Variants in CTNNA3 observed in about 807,000 individuals in gnomAD.
CTNNA3 encodes the protein catenin alpha-3.
Under a neutral mutation model 95.7 loss-of-function variants are expected in CTNNA3, and 76 were observed. The ratio of observed to expected loss-of-function variants is 0.79; its 90% CI spans 0.66 to 0.96. CTNNA3 has a LOEUF of 0.96. CTNNA3 is among the 40% of genes least tolerant of loss of function. The probability of loss-of-function intolerance (pLI) is 0.00; values close to 1 mark genes in which losing one functional copy is unlikely to be tolerated. For missense variants in CTNNA3, 1,191 were observed against 1,089.8 expected (o/e 1.09, Z -1.31); for synonymous variants, 431 against 374.4 (o/e 1.15, Z -1.74).
chr10:66,247,898 CT>C (rs2090401813), intron 13 of CTNNA3, among the ~76,000 whole-genome samples: 1 of 152,112 alleles, frequency 6.6e-6, no homozygotes, highest in Admixed American at 6.5e-5. Flanking sequence ...AAGAAATCAT[CT>C]TAAGATACAA....
At chr10:67,287,454 T>G (rs150185182) in intron 5 of CTNNA3, among the ~76,000 whole-genome samples, 134 of 152,358 alleles carry the variant, frequency 8.8e-4, no homozygotes, top group African/African-American at 3.2e-3. Flanking sequence ...CTAAATATCT[T>G]TGCATATAGT....
chr10:66,255,649 CAG>C (rs1471848006), intron 13 of CTNNA3, among the ~76,000 whole-genome samples: 2 of 152,190 alleles, frequency 1.3e-5, no homozygotes, highest in Non-Finnish European at 2.9e-5. Context: ...TCCCCATAAA[CAG>C]ATACTTTATC....
chr10:66,779,176 T>C (rs181091264), intron 7 of CTNNA3, among the ~76,000 whole-genome samples: 69 of 152,252 alleles, frequency 4.5e-4, no homozygotes, highest in African/African-American at 1.5e-3. Context: ...CAAAGCCTCA[T>C]ATAATCTACT....
At chr10:66,806,261 T>TTGTGTGTGTG (rs59596203) in intron 7 of CTNNA3, among the ~76,000 whole-genome samples, 200 of 144,068 alleles carry the variant, frequency 1.4e-3, no homozygotes, top group Middle Eastern at 7.0e-3. Context: ...ATATTGGTGT[T>TTGTGTGTGTG]TGTGTGTGTG....
At chr10:66,812,384 A>G (rs949794654) in intron 7 of CTNNA3, among the ~76,000 whole-genome samples, 1 of 152,174 alleles carries the variant, frequency 6.6e-6, no homozygotes, top group Admixed American at 6.6e-5. Flanking sequence ...ATACAATTAC[A>G]TGGTATTCTG....
chr10:66,789,597 C>T (rs182018745), intron 7 of CTNNA3, among the ~76,000 whole-genome samples: 1 of 152,270 alleles, frequency 6.6e-6, no homozygotes, highest in African/African-American at 2.4e-5. Context: ...TACACATATA[C>T]TCCATTTGAC....
intron 17 of CTNNA3, among the ~76,000 whole-genome samples, chr10:65,941,501 G>A (rs1453905034): frequency 1.3e-5 from 2 of 152,278 alleles, no homozygotes; most frequent in East Asian, 3.9e-4. Context: ...TTCCCATGCA[G>A]AAAATAAAGC....
intron 12 of CTNNA3, among the ~76,000 whole-genome samples, chr10:66,328,306 C>G (rs2092280932): frequency 6.6e-6 from 1 of 151,944 alleles, no homozygotes. Context: ...AGTTATAAAC[C>G]TAGTAAGTAG....
chr10:67,138,269 A>G (rs1860390381), intron 7 of CTNNA3, among the ~76,000 whole-genome samples: 1 of 152,192 alleles, frequency 6.6e-6, no homozygotes, highest in Non-Finnish European at 1.5e-5. Context: ...TAAACAAAGA[A>G]GCCAGCAGTG....
At chr10:66,619,769 T>C (rs1844678128) in intron 10 of CTNNA3, among the ~76,000 whole-genome samples, 1 of 151,794 alleles carries the variant, frequency 6.6e-6, no homozygotes, top group South Asian at 2.1e-4. Flanking sequence ...CATATGGCCA[T>C]ATGTGAAAAA....
Position 67,173,753 on chromosome 10 carries a change from A to T in CTNNA3, c.1047+6564T>A, listed in dbSNP as rs530673832. 1.1e-4 allele frequency among the ~76,000 whole-genome samples: 17 copies of T among 152,344 alleles called. No homozygotes were observed. In the South Asian group the frequency reaches 3.5e-3, roughly 32 times the overall value. Reference sequence around the variant, plus strand: ...TTGACCTAGTTTTATTTTATGTAACAAACAACTCTGAGTAAAGTTTAATGT... The same window carrying T: ...TTGACCTAGTTTTATTTTATGTAACTAACAACTCTGAGTAAAGTTTAATGT... On this transcript the variant is annotated intron_variant, in intron 7 of 17. Coordinates refer to ENST00000433211, the MANE Select transcript of CTNNA3 (RefSeq NM_013266.4).
intron 9 of CTNNA3, among the ~76,000 whole-genome samples, chr10:66,758,648 C>G (rs1839473294): frequency 6.6e-6 from 1 of 152,110 alleles, no homozygotes; most frequent in Non-Finnish European, 1.5e-5. Context: ...TATATCAAAA[C>G]TTTGGGCCGG....
At chr10:66,105,146 C>T (rs975891091) in intron 13 of CTNNA3, among the ~76,000 whole-genome samples, 1 of 152,162 alleles carries the variant, frequency 6.6e-6, no homozygotes, top group Non-Finnish European at 1.5e-5. Context: ...TTTTTTATCT[C>T]CGTGTTGATC....
Position 66,927,033 on chromosome 10 carries a change from G to C in CTNNA3, c.1048-151509C>G, listed in dbSNP as rs1847122882. 6.2e-7 allele frequency: 1 copy of C among 1,614,138 alleles called. No homozygotes were observed. The highest frequency in any genetic ancestry group is 1.3e-5 in the African/African-American group (1 of 75,034). On this transcript the variant is annotated intron_variant, in intron 7 of 17. Transcript: ENST00000433211. The surrounding 1 kb of genome is among the most constrained non-coding windows in gnomAD (Gnocchi z 4.7). The stretch of plus-strand genomic sequence containing the variant: ...AACGAGGATGCCCTAAGGGCTGTAG[G>C]TGTGAAGGCAAAATGGTATATTGTG...
chr10:67,095,159 G>A (rs1857906402), intron 7 of CTNNA3, among the ~76,000 whole-genome samples: 1 of 151,430 alleles, frequency 6.6e-6, no homozygotes, highest in African/African-American at 2.4e-5. Flanking sequence ...AATCTACTGT[G>A]ATGCTGTATT....
intron 5 of CTNNA3, among the ~76,000 whole-genome samples, chr10:67,426,116 T>A (rs947037837): frequency 1.3e-5 from 2 of 151,840 alleles, no homozygotes; most frequent in African/African-American, 4.8e-5. Context: ...CCCAAATGGG[T>A]AGAAAAAACA....
At position 67,301,477 on chromosome 10, in the gene CTNNA3, T is replaced by C. The variant is rs146731191; in HGVS notation, c.580-81607A>G. On this transcript the variant is annotated intron_variant, in intron 5 of 17. Transcript: ENST00000433211. ...AAAAACTAAAAATAGAGCTATCATATCATCCAGCAATCCCACTACTGGGTA... is the reference window on the plus strand; with the variant it reads ...AAAAACTAAAAATAGAGCTATCATACCATCCAGCAATCCCACTACTGGGTA... Among the ~76,000 whole-genome samples the C allele has an allele frequency of 1.8e-4, 28 of 152,282 alleles. 1 individual carries two copies. The highest frequency in any genetic ancestry group is 6.7e-4 in the African/African-American group (28 of 41,550).
intron 12 of CTNNA3, among the ~76,000 whole-genome samples, chr10:66,363,621 A>T (rs923711574): frequency 6.6e-6 from 1 of 152,226 alleles, no homozygotes; most frequent in East Asian, 1.9e-4. Context: ...CCAGATTACA[A>T]TAAAAAAAAT....
chr10:67,656,218 T>G (rs1214207323), intron 1 of CTNNA3, among the ~76,000 whole-genome samples: 1 of 152,188 alleles, frequency 6.6e-6, no homozygotes, highest in Non-Finnish European at 1.5e-5. Context: ...CTGAGGTTTG[T>G]CAGATCAATA....
Sources: allele counts gnomAD v4.1 joint callset (sites outside exome capture counted in the v4.1 genomes callset), GRCh38; gene constraint gnomAD v4.1.1; non-coding constraint Gnocchi (gnomAD v3.1); transcripts MANE v1.5; gene names NCBI Gene and HGNC (gene_info 2026-07-23, HGNC 2026-07-21).